Variants in FAM81A observed in about 807,000 individuals in gnomAD.
The protein encoded by FAM81A is family with sequence similarity 81 member A, also known as protein FAM81A.
Under a neutral mutation model 46.7 loss-of-function variants are expected in FAM81A, and 19 were observed. The ratio of observed to expected loss-of-function variants is 0.41; its 90% CI spans 0.28 to 0.60. FAM81A has a LOEUF of 0.60. Among genes scored for constraint, FAM81A ranks in the 20% least tolerant of loss-of-function variants. The probability of loss-of-function intolerance (pLI) is 0.34; values close to 1 mark genes in which losing one functional copy is unlikely to be tolerated. For synonymous variants in FAM81A, 183 were observed against 152.9 expected, an observed-to-expected ratio of 1.20 and a Z score of -1.45; for missense variants, 377 against 453.5, an observed-to-expected ratio of 0.83 and a Z score of 1.53.
At chr15:59,398,422 G>C (rs564014878) in intron 1 of FAM81A, among the ~76,000 whole-genome samples, 100 of 152,260 alleles carry the variant, frequency 6.6e-4, no homozygotes, top group African/African-American at 2.3e-3. Context: ...GAAAGCAAGA[G>C]GTAGACAGTG....
chr15:59,421,706 A>ACTAT (rs56085471), intron 2 of FAM81A, among the ~76,000 whole-genome samples: 2 of 149,938 alleles, frequency 1.3e-5, no homozygotes, highest in African/African-American at 4.9e-5. Flanking sequence ...AAACCCTTAA[A>ACTAT]CTATCTATCT....
intron 2 of FAM81A, among the ~76,000 whole-genome samples, chr15:59,426,762 C>T (rs1436443911): frequency 6.6e-6 from 1 of 152,214 alleles, no homozygotes; most frequent in Non-Finnish European, 1.5e-5. Flanking sequence ...TCCAACACGC[C>T]TCGACATACC....
chr15:59,500,262 T>A (rs1484503423), intron 4 of FAM81A, among the ~76,000 whole-genome samples: 1 of 152,136 alleles, frequency 6.6e-6, no homozygotes, highest in Non-Finnish European at 1.5e-5. Flanking sequence ...TTTCAGCCAT[T>A]ATTTTTTGAA....
At chr15:59,491,321 A>T (rs1374213664) in intron 3 of FAM81A, among the ~76,000 whole-genome samples, 2 of 152,212 alleles carry the variant, frequency 1.3e-5, no homozygotes, top group African/African-American at 4.8e-5. Flanking sequence ...AGGCACAGAA[A>T]GATAAGCTTC....
rs150021703 is a variant in FAM81A, at chr15:59,440,398, G to C, written c.-78+2116G>C. Among the ~76,000 whole-genome samples, 111 of 152,216 alleles carry C rather than the reference G, an allele frequency of 7.3e-4. 3 individuals carry two copies. The East Asian group carries it at 0.02, about 27-fold the overall frequency. On this transcript the variant is annotated intron_variant, in intron 1 of 8. Transcript: ENST00000288228. ...TCTGGGCAATTCTGATGTACACCCA[G>C]GTACAGTGGGGATCTCTTCACTTGA...
chr15:59,470,489 T>C (rs2081672280), intron 3 of FAM81A, among the ~76,000 whole-genome samples: 1 of 152,222 alleles, frequency 6.6e-6, no homozygotes, highest in Admixed American at 6.5e-5. Flanking sequence ...TTCCACTTGA[T>C]TGAATCGGCT....
At chr15:59,518,588 A>G (rs1194981897) in intron 8 of FAM81A, among the ~76,000 whole-genome samples, 2 of 152,140 alleles carry the variant, frequency 1.3e-5, no homozygotes, top group African/African-American at 4.8e-5. Context: ...GACCTGCCAA[A>G]GCTCTGGAAT....
chr15:59,489,556 A>G (rs531204190), intron 3 of FAM81A, among the ~76,000 whole-genome samples: 5 of 152,278 alleles, frequency 3.3e-5, no homozygotes, highest in African/African-American at 2.4e-5. Flanking sequence ...GAAAAAAAAA[A>G]TCCTAAAGTT....
intron 4 of FAM81A, among the ~76,000 whole-genome samples, chr15:59,500,186 C>G (rs1242802591): frequency 5.9e-5 from 9 of 151,820 alleles, no homozygotes; most frequent in Admixed American, 4.6e-4. Flanking sequence ...TTGGTGTTTG[C>G]CCTACTTGGA....
rs1056920595 is a variant in FAM81A at position 59,518,129 on chromosome 15, C to T, written c.982+1289C>T. Among the ~76,000 whole-genome samples the T allele has an allele frequency of 6.0e-5, 9 of 149,482 alleles. No homozygotes were observed. In the South Asian group the frequency reaches 1.5e-3, roughly 25 times the overall value. ...CTGGGATTACAGGCGCCTGACATCA[C>T]GGCCGGCTAATTTTTTTTTTTTTTT... On this transcript the variant is annotated intron_variant, in intron 8 of 8. Transcript: ENST00000288228.
At chr15:59,519,944 G>T (rs1157446286) in intron 8 of FAM81A, among the ~76,000 whole-genome samples, 3 of 152,104 alleles carry the variant, frequency 2.0e-5, no homozygotes, top group Non-Finnish European at 4.4e-5. Flanking sequence ...AGATTGCTGG[G>T]TCGTATGGTA....
At chr15:59,512,385 T>G (rs545631606) in intron 6 of FAM81A, among the ~76,000 whole-genome samples, 1 of 136,770 alleles carries the variant, frequency 7.3e-6, no homozygotes, top group African/African-American at 2.8e-5. Context: ...GGCCGGAGAA[T>G]CACTTGAACC....
intron 1 of FAM81A, among the ~76,000 whole-genome samples, chr15:59,443,215 TG>T (rs1448472255): frequency 6.6e-6 from 1 of 152,182 alleles, no homozygotes; most frequent in Non-Finnish European, 1.5e-5. Flanking sequence ...CCCGAGTAGC[TG>T]GGATTACAGG....
At position 59,492,301 on chromosome 15, in the gene FAM81A, A is replaced by G; in HGVS notation, c.325A>G (p.Asn109Asp). The G allele has an allele frequency of 3.7e-6, 6 of 1,613,666 alleles. No homozygotes were observed. Among genetic ancestry groups the G allele is most frequent in the South Asian group, 1.1e-5 (1 of 90,956 alleles). Residue 109 changes from asparagine to aspartate, a missense_variant, in exon 4 of 9, where the codon AAC (asparagine) becomes GAC (aspartate). Physicochemically the swap from Asn to Asp is conservative, Grantham distance 23. Coordinates refer to ENST00000288228, the MANE Select transcript of FAM81A (RefSeq NM_152450.3). ...CCAGGAGCAGATTCGTGCCCGGGAC[A>G]ACATTAGCTATGGAACTAATTCTGC... Reference protein sequence around the residue: ...VLQEQIRARDNISYGTNSALK... With the variant: ...VLQEQIRARDDISYGTNSALK...
chr15:59,436,520 C>A (rs753665500), upstream of FAM81A, among the ~76,000 whole-genome samples: 1 of 152,104 alleles, frequency 6.6e-6, no homozygotes, highest in Non-Finnish European at 1.5e-5. Flanking sequence ...GAAAGGCACC[C>A]CGATGGAGAC....
chr15:59,465,268 A>G (rs2081598697), intron 3 of FAM81A, among the ~76,000 whole-genome samples: 1 of 151,862 alleles, frequency 6.6e-6, no homozygotes, highest in South Asian at 2.1e-4. Context: ...CTTTGTTCTT[A>G]TTTATTTATT....
chr15:59,498,804 G>A (rs540375050), intron 4 of FAM81A, among the ~76,000 whole-genome samples: 14 of 152,226 alleles, frequency 9.2e-5, no homozygotes, highest in African/African-American at 3.4e-4. Flanking sequence ...ACAGGTGCCT[G>A]CCACCATGCC....
At chr15:59,449,133 G>T (rs2081385362) in intron 1 of FAM81A, among the ~76,000 whole-genome samples, 1 of 152,174 alleles carries the variant, frequency 6.6e-6, no homozygotes. Context: ...ATGGAGATTA[G>T]TTACTTTTGC....
intron 4 of FAM81A, among the ~76,000 whole-genome samples, chr15:59,495,513 C>T (rs539457867): frequency 6.6e-6 from 1 of 152,274 alleles, no homozygotes; most frequent in Admixed American, 6.5e-5. Context: ...CATAGGTTTT[C>T]ATTTCTCTTG....
Sources: allele counts gnomAD v4.1 joint callset (sites outside exome capture counted in the v4.1 genomes callset), GRCh38; gene constraint gnomAD v4.1.1; transcripts MANE v1.5; gene names NCBI Gene and HGNC (gene_info 2026-07-23, HGNC 2026-07-21).